Variants in ANKS1B observed in about 807,000 individuals in gnomAD.
ANKS1B encodes ankyrin repeat and sterile alpha motif domain-containing protein 1B.
A neutral mutation model predicts 148.3 loss-of-function variants in ANKS1B; 36 were observed. The ratio of observed to expected loss-of-function variants is 0.24; its 90% CI spans 0.19 to 0.32. The LOEUF (loss-of-function observed/expected upper bound fraction) is 0.32, where lower values mean the gene tolerates loss of function less well. ANKS1B is among the 10% of genes least tolerant of loss of function. ANKS1B has a pLI of 1.00. For missense variants in ANKS1B, 1,157 were observed against 1,542.6 expected (o/e 0.75, Z 4.19); for synonymous variants, 542 against 560.8 (o/e 0.97, Z 0.47).
chr12:99,477,547 A>C (rs1321489325), intron 10 of ANKS1B, among the ~76,000 whole-genome samples: 5 of 152,112 alleles, frequency 3.3e-5, no homozygotes, highest in Non-Finnish European at 7.4e-5. Context: ...TAAGTTACTT[A>C]ATTTCTCTAT....
intron 22 of ANKS1B, among the ~76,000 whole-genome samples, chr12:98,788,110 C>A (rs1460458202): frequency 1.3e-5 from 2 of 151,400 alleles, no homozygotes; most frequent in Non-Finnish European, 2.9e-5. Flanking sequence ...GTGGAGAAAA[C>A]TTCAAAGATT....
At chr12:98,873,632 A>C (rs559741275) in intron 17 of ANKS1B, among the ~76,000 whole-genome samples, 1 of 152,148 alleles carries the variant, frequency 6.6e-6, no homozygotes, top group Non-Finnish European at 1.5e-5. Context: ...ACAAATCCTC[A>C]CCTGAGAGGA....
intron 2 of ANKS1B, among the ~76,000 whole-genome samples, chr12:99,815,862 T>C (rs570165993): frequency 6.6e-6 from 1 of 151,960 alleles, no homozygotes; most frequent in East Asian, 1.9e-4. Flanking sequence ...ATGGTGTATA[T>C]ATATACCACA....
intron 17 of ANKS1B, among the ~76,000 whole-genome samples, chr12:98,938,602 G>A (rs1475653047): frequency 1.3e-5 from 2 of 152,234 alleles, no homozygotes; most frequent in South Asian, 2.1e-4. Flanking sequence ...AGTTGTGAAA[G>A]CTTCTGTCTT....
At chr12:99,116,315 C>T (rs1376256586) in intron 15 of ANKS1B, among the ~76,000 whole-genome samples, 4 of 152,148 alleles carry the variant, frequency 2.6e-5, no homozygotes, top group Non-Finnish European at 5.9e-5. Context: ...AGGGTGTTGG[C>T]TCAGGATAGA....
chr12:98,968,589 C>T, intron 17 of ANKS1B, among the ~76,000 whole-genome samples: 1 of 152,190 alleles, frequency 6.6e-6, no homozygotes, highest in East Asian at 1.9e-4. Flanking sequence ...TTGCTCACTT[C>T]CATACAACTT....
chr12:99,154,696 C>T (rs1218290989), intron 14 of ANKS1B: 37 of 1,436,610 alleles, frequency 2.6e-5, no homozygotes, highest in Non-Finnish European at 3.2e-5. Context: ...CAGAAGAAGG[C>T]ATATCAAGCT....
chr12:99,024,293 G>A (rs1405541733), intron 17 of ANKS1B, among the ~76,000 whole-genome samples: 1 of 152,032 alleles, frequency 6.6e-6, no homozygotes, highest in Non-Finnish European at 1.5e-5. Flanking sequence ...TCAGCATTCT[G>A]TTTTAAAGAT....
At chr12:99,835,188 G>A (rs1228891225) in intron 1 of ANKS1B, among the ~76,000 whole-genome samples, 7 of 143,734 alleles carry the variant, frequency 4.9e-5, no homozygotes, top group Non-Finnish European at 1.0e-4. Flanking sequence ...AAGACAGGTG[G>A]ATCACTTGAG....
chr12:99,314,582 G>A (rs576325645), intron 12 of ANKS1B, among the ~76,000 whole-genome samples: 124 of 152,126 alleles, frequency 8.2e-4, no homozygotes, highest in Non-Finnish European at 1.4e-3. Context: ...ATAGACCAAT[G>A]GAACAGAACA....
rs543011536 is a variant in ANKS1B, at chr12:99,199,601, G to T, written c.2419+44741C>A. ...TCTACTATTGAGGCACCTGAAATTG[G>T]ATGATGAGATTTCCAATGTGCCCTT... On this transcript the variant is annotated intron_variant, in intron 14 of 26. Transcript: ENST00000683438. Among the ~76,000 whole-genome samples the T allele has an allele frequency of 3.9e-5, 6 of 152,142 alleles. No individual in the cohort carries two copies. In the South Asian group the frequency reaches 1.2e-3, roughly 32 times the overall value.
At chr12:99,892,971 A>AC (rs992247280) in intron 1 of ANKS1B, among the ~76,000 whole-genome samples, 1 of 151,564 alleles carries the variant, frequency 6.6e-6, no homozygotes, top group Non-Finnish European at 1.5e-5. Flanking sequence ...ACATTAGAGG[A>AC]CCCCCCACCA....
intron 11 of ANKS1B, among the ~76,000 whole-genome samples, chr12:99,434,952 A>G (rs536048241): frequency 3.7e-4 from 57 of 152,110 alleles, no homozygotes; most frequent in Non-Finnish European, 6.9e-4. Flanking sequence ...AGTATAAAAA[A>G]TTACATTTCA....
intron 1 of ANKS1B, among the ~76,000 whole-genome samples, chr12:99,851,966 C>G (rs1237381738): frequency 6.6e-6 from 1 of 152,282 alleles, no homozygotes; most frequent in East Asian, 1.9e-4. Flanking sequence ...ACTTATTAAG[C>G]TATCTATTAC....
At chr12:98,960,485 C>A (rs991066991) in intron 17 of ANKS1B, among the ~76,000 whole-genome samples, 11 of 152,160 alleles carry the variant, frequency 7.2e-5, no homozygotes, top group Non-Finnish European at 1.5e-4. Flanking sequence ...ACTTAGATCA[C>A]AACACTCAAG....
chr12:98,883,669 T>C (rs2152536899), intron 17 of ANKS1B, among the ~76,000 whole-genome samples: 1 of 152,334 alleles, frequency 6.6e-6, no homozygotes, highest in South Asian at 2.1e-4. Flanking sequence ...AGATAAATTA[T>C]GCTGAAAAGT....
intron 19 of ANKS1B, among the ~76,000 whole-genome samples, chr12:98,821,326 C>T (rs2099188585): frequency 1.3e-5 from 2 of 152,198 alleles, no homozygotes; most frequent in African/African-American, 2.4e-5. Context: ...TATTCAGATG[C>T]CCATTATTGC....
intron 10 of ANKS1B, among the ~76,000 whole-genome samples, chr12:99,460,759 G>C (rs1343156742): frequency 6.6e-6 from 1 of 151,736 alleles, no homozygotes; most frequent in African/African-American, 2.4e-5. Flanking sequence ...TGTTAACATG[G>C]ATGTGGTGAA....
intron 17 of ANKS1B, among the ~76,000 whole-genome samples, chr12:99,035,549 T>C (rs1239792926): frequency 2.0e-5 from 3 of 152,224 alleles, no homozygotes; most frequent in Admixed American, 6.5e-5. Flanking sequence ...TGGGTCTTCA[T>C]CCTGAAGGCT....
Sources: gnomAD v4.1 joint callset for allele counts (sites outside exome capture counted in the v4.1 genomes callset) on GRCh38, gnomAD v4.1.1 for gene constraint, MANE v1.5 for transcripts, NCBI Gene and HGNC (gene_info 2026-07-23, HGNC 2026-07-21) for gene names.